Variants in YAP1 observed in about 807,000 individuals in gnomAD.
YAP1 encodes transcriptional coactivator YAP1.
YAP1 carries 5 observed loss-of-function variants against 56.9 expected under a neutral mutation model. The ratio of observed to expected loss-of-function variants is 0.09; its 90% CI spans 0.05 to 0.18. The LOEUF is 0.18. Among genes scored for constraint, YAP1 ranks in the 10% least tolerant of loss-of-function variants. YAP1 has a pLI of 1.00. For synonymous variants in YAP1, 265 were observed against 248.1 expected, an observed-to-expected ratio of 1.07 and a Z score of -0.64; for missense variants, 539 against 651.8, an observed-to-expected ratio of 0.83 and a Z score of 1.88.
chr11:102,182,817 A>AT (rs150723170), intron 3 of YAP1, among the ~76,000 whole-genome samples: 16,737 of 152,246 alleles, frequency 0.11, 1,107 homozygotes, highest in South Asian at 0.2. Flanking sequence ...ATAACATTAT[A>AT]TTTTACCCAG....
At chr11:102,139,907 C>T (rs1047558895) in intron 2 of YAP1, among the ~76,000 whole-genome samples, 6 of 151,684 alleles carry the variant, frequency 4.0e-5, no homozygotes, top group Non-Finnish European at 2.9e-5. Context: ...ATGAAAATAG[C>T]CTAATTGTGT....
intron 2 of YAP1, among the ~76,000 whole-genome samples, chr11:102,160,898 T>TC (rs764818967): frequency 2.6e-5 from 4 of 152,124 alleles, no homozygotes; most frequent in Admixed American, 6.5e-5. Context: ...AACACTTGTA[T>TC]CCCTTCCTCT....
At chr11:102,190,591 A>C (rs905452448) in intron 4 of YAP1, among the ~76,000 whole-genome samples, 2 of 151,774 alleles carry the variant, frequency 1.3e-5, no homozygotes, top group African/African-American at 4.8e-5. Flanking sequence ...ATGCCACTCT[A>C]CTCCAGCCTG....
chr11:102,196,254 C>G (rs949590650), intron 4 of YAP1, among the ~76,000 whole-genome samples: 1 of 152,114 alleles, frequency 6.6e-6, no homozygotes, highest in African/African-American at 2.4e-5. Context: ...CCACAAAAAC[C>G]TGTACCCAGG....
intron 4 of YAP1, among the ~76,000 whole-genome samples, chr11:102,191,187 A>T (rs1591372687): frequency 7.1e-6 from 1 of 140,750 alleles, no homozygotes; most frequent in Non-Finnish European, 1.6e-5. Flanking sequence ...AAAAAAAAAA[A>T]TTATTAACTG....
intron 3 of YAP1, among the ~76,000 whole-genome samples, chr11:102,182,556 A>C (rs1947690961): frequency 6.6e-6 from 1 of 152,212 alleles, no homozygotes; most frequent in Non-Finnish European, 1.5e-5. Flanking sequence ...ATTGAGAATC[A>C]AGTCACTGAA....
At chr11:102,162,185 A>G (rs112864637) in intron 2 of YAP1, among the ~76,000 whole-genome samples, 42 of 152,326 alleles carry the variant, frequency 2.8e-4, no homozygotes, top group African/African-American at 9.6e-4. Flanking sequence ...GGTAATAATT[A>G]TCTTAATAGT....
chr11:102,212,560 AC>A (rs1949453917), intron 6 of YAP1, among the ~76,000 whole-genome samples: 5 of 147,910 alleles, frequency 3.4e-5, no homozygotes, highest in African/African-American at 1.3e-4. Flanking sequence ...ACAGAGCTTA[AC>A]TTTTTATTTT....
At chr11:102,128,231 C>T (rs1944153560) in intron 2 of YAP1, among the ~76,000 whole-genome samples, 1 of 152,108 alleles carries the variant, frequency 6.6e-6, no homozygotes, top group African/African-American at 2.4e-5. Context: ...GGCTGTGTCC[C>T]CACTGAAATC....
chr11:102,162,331 G>A, intron 2 of YAP1, 125 bp from the exon 3 acceptor site: 2 of 719,804 alleles, frequency 2.8e-6, no homozygotes, highest in Non-Finnish European at 4.8e-6. Context: ...TGGGAGCAGT[G>A]AGATGCTGTG....
At chr11:102,187,238 T>C (rs1312817050) in intron 4 of YAP1, among the ~76,000 whole-genome samples, 1 of 152,146 alleles carries the variant, frequency 6.6e-6, no homozygotes, top group African/African-American at 2.4e-5. Flanking sequence ...TAAATTCAAG[T>C]TTGCCCCAAA....
At chr11:102,211,488 T>G (rs1949402150) in intron 6 of YAP1, among the ~76,000 whole-genome samples, 1 of 152,212 alleles carries the variant, frequency 6.6e-6, no homozygotes, top group Non-Finnish European at 1.5e-5. Flanking sequence ...TTGTTATATA[T>G]GCTTTAGTTG....
intron 3 of YAP1, among the ~76,000 whole-genome samples, chr11:102,164,287 C>T (rs576642254): frequency 1.3e-5 from 2 of 152,258 alleles, no homozygotes; most frequent in South Asian, 4.1e-4. Context: ...CCCACCTTGG[C>T]CTCCCAAAGT....
chr11:102,176,745 CAAAAAAAAAAAAAAAA>C (rs57082707), intron 3 of YAP1, among the ~76,000 whole-genome samples: 21 of 45,512 alleles, frequency 4.6e-4, no homozygotes, highest in Admixed American at 1.0e-3. Context: ...GACTCCGTCT[CAAAAAAAAAAAAAAAA>C]AAAAAAAAAA....
chr11:102,198,585 A>G (rs887971320), intron 4 of YAP1, among the ~76,000 whole-genome samples: 8 of 152,138 alleles, frequency 5.3e-5, no homozygotes, highest in Admixed American at 3.9e-4. Context: ...TATAATTCCA[A>G]CACTCCTCAG....
chr11:102,154,472 A>G (rs1275594975), intron 2 of YAP1, among the ~76,000 whole-genome samples: 1 of 152,198 alleles, frequency 6.6e-6, no homozygotes. Flanking sequence ...AAAAAAAATT[A>G]CACATGCATG....
intron 4 of YAP1, among the ~76,000 whole-genome samples, chr11:102,192,022 T>A (rs1948316120): frequency 1.3e-5 from 2 of 152,196 alleles, no homozygotes; most frequent in Non-Finnish European, 2.9e-5. Context: ...TGGAACAGAC[T>A]TTAAAGGCAT....
chr11:102,207,525 C>T (rs746104712), intron 5 of YAP1, among the ~76,000 whole-genome samples: 2 of 148,546 alleles, frequency 1.3e-5, no homozygotes, highest in Non-Finnish European at 3.0e-5. Flanking sequence ...GACTCTGTCT[C>T]TTAAAAAAAA....
At chr11:102,211,954 C>T (rs985782432) in intron 6 of YAP1, among the ~76,000 whole-genome samples, 5 of 152,178 alleles carry the variant, frequency 3.3e-5, no homozygotes, top group Admixed American at 2.6e-4. Flanking sequence ...TCGCCTGCCT[C>T]GGCCTCCCAA....
Sources: allele counts gnomAD v4.1 joint callset (sites outside exome capture counted in the v4.1 genomes callset), GRCh38; gene constraint gnomAD v4.1.1; transcripts MANE v1.5; gene names NCBI Gene and HGNC (gene_info 2026-07-23, HGNC 2026-07-21).